TTC13: variants seen among roughly 807,000 people sequenced by gnomAD.
TTC13 encodes tetratricopeptide repeat protein 13.
TTC13 carries 62 observed loss-of-function variants against 120.0 expected under a neutral mutation model. The observed-to-expected ratio is 0.52, with a 90% confidence interval of 0.42 to 0.64. The LOEUF (loss-of-function observed/expected upper bound fraction) is 0.64, where lower values mean the gene tolerates loss of function less well. Among genes scored for constraint, TTC13 ranks in the 30% least tolerant of loss-of-function variants. The probability of loss-of-function intolerance (pLI) is 0.00; values close to 1 mark genes in which losing one functional copy is unlikely to be tolerated. For missense variants in TTC13, 824 were observed against 1,050.2 expected, an observed-to-expected ratio of 0.78 and a Z score of 2.98; for synonymous variants, 384 against 393.5, an observed-to-expected ratio of 0.98 and a Z score of 0.28.
chr1:230,908,853 T>G (rs927876587), intron 21 of TTC13, 62 bp from the exon 22 acceptor site: 2 of 1,604,150 alleles, frequency 1.2e-6, no homozygotes, highest in Admixed American at 1.7e-5. Context: ...CGGCTGGAGA[T>G]CTATGTAACT....
intron 22 of TTC13, 69 bp from the exon 23 acceptor site, chr1:230,907,088 T>C (rs1419658169): frequency 1.8e-6 from 1 of 546,324 alleles, no homozygotes; most frequent in African/African-American, 2.0e-5. Flanking sequence ...GCAGAGCTTA[T>C]ATTTATTCCT....
At chr1:230,939,069 C>G (rs1206872579) in intron 8 of TTC13, among the ~76,000 whole-genome samples, 1 of 150,912 alleles carries the variant, frequency 6.6e-6, no homozygotes, top group Non-Finnish European at 1.5e-5. Context: ...CTTTCTCTAA[C>G]TCTGCAGTTC....
intron 1 of TTC13, among the ~76,000 whole-genome samples, chr1:230,966,463 A>C (rs1677145001): frequency 6.6e-6 from 1 of 152,150 alleles, no homozygotes; most frequent in Non-Finnish European, 1.5e-5. Context: ...AAACTTCATA[A>C]ATTTTATATA....
At chr1:230,950,572 C>T (rs1042887273) in intron 4 of TTC13, among the ~76,000 whole-genome samples, 5 of 152,210 alleles carry the variant, frequency 3.3e-5, no homozygotes, top group South Asian at 2.1e-4. Context: ...ACAAACAAGT[C>T]GAAACAGTCA....
intron 20 of TTC13, 29 bp downstream of exon 20, chr1:230,911,441 A>G (rs758216322): frequency 1.3e-6 from 2 of 1,489,804 alleles, no homozygotes; most frequent in East Asian, 4.6e-5. Context: ...CTCAATTTAA[A>G]ATAATTTTAA....
rs764583992 is a variant in TTC13, at chr1:230,920,615, G to A, written c.1899-21C>T. 5 of 1,393,262 alleles carry A rather than the reference G, an allele frequency of 3.6e-6. No homozygotes were observed. In the South Asian group the frequency reaches 5.4e-5, roughly 15 times the overall value. 86.3% of individuals were successfully genotyped at this position (1,393,262 alleles called of 1,614,324 possible). Reference sequence around the variant, plus strand: ...TAGCTCTTAAAGAGAGACAGAGAGAGATGGCAACTGAGATTAATGCAGAAT... The same window carrying A: ...TAGCTCTTAAAGAGAGACAGAGAGAAATGGCAACTGAGATTAATGCAGAAT... On this transcript the variant is annotated intron_variant, in intron 16 of 22. Coordinates refer to ENST00000366661, the MANE Select transcript of TTC13 (RefSeq NM_024525.5).
intron 4 of TTC13, among the ~76,000 whole-genome samples, chr1:230,949,825 AT>A (rs1269434247): frequency 6.6e-6 from 1 of 151,790 alleles, no homozygotes; most frequent in Non-Finnish European, 1.5e-5. Context: ...TTGTTTTTGT[AT>A]TTTTAGTAGA....
chr1:230,958,326 A>G (rs748681178), intron 2 of TTC13, 27 bp from the exon 3 acceptor site: 2 of 1,563,618 alleles, frequency 1.3e-6, no homozygotes, highest in East Asian at 2.2e-5. Context: ...AAAAACCCAT[A>G]CATTTTAGCT....
At chr1:230,933,529 G>T (rs1673757803) in intron 9 of TTC13, among the ~76,000 whole-genome samples, 1 of 152,146 alleles carries the variant, frequency 6.6e-6, no homozygotes, top group South Asian at 2.1e-4. Flanking sequence ...ACCCTTGAAG[G>T]ATGAACGTTT....
chr1:230,962,210 C>CAAA (rs35386237), intron 1 of TTC13, among the ~76,000 whole-genome samples: 12 of 138,236 alleles, frequency 8.7e-5, no homozygotes, highest in African/African-American at 2.6e-4. Context: ...AACTCTGACT[C>CAAA]AAAAAAAAAA....
At chr1:230,956,267 A>C (rs1450658631) in intron 3 of TTC13, among the ~76,000 whole-genome samples, 1 of 152,246 alleles carries the variant, frequency 6.6e-6, no homozygotes, top group Non-Finnish European at 1.5e-5. Context: ...TTCCCAAACC[A>C]CTGTGCACTG....
intron 20 of TTC13, 177 bp downstream of exon 20, chr1:230,911,293 T>C: frequency 4.0e-6 from 2 of 499,366 alleles, no homozygotes. Context: ...TCTTCTATAA[T>C]TCTTTTGCTG....
At chr1:230,921,526 A>C in intron 15 of TTC13, 22 bp from the exon 16 acceptor site, 2 of 1,252,600 alleles carry the variant, frequency 1.6e-6, no homozygotes, top group Non-Finnish European at 2.2e-6. Context: ...AAATAATAAA[A>C]TTAAGAATAT....
chr1:230,978,690 C>G lies in TTC13; in HGVS notation c.141G>C (p.Glu47Asp). The change falls in exon 1 of 23, where the codon GAG becomes GAC. Residue 47 changes from glutamate to aspartate, a missense_variant. Physicochemically the swap from Glu to Asp is conservative, Grantham distance 45. Around this residue, in one of 4 missense-constraint regions of TTC13, gnomAD observed 160 missense variants for 137.2 expected, o/e 1.17. Transcript: ENST00000366661. This position sits in a 1 kb window ranked among gnomAD's most constrained non-coding sequence, Gnocchi z 5.6. The stretch of plus-strand genomic sequence containing the variant: ...TGAGCAGGGAGAGCGGCGAGTAGTG[C>G]TCGGTGGCCAGGGCGCCTGGCCGCA... ...AGLRPGALAT[E>D]HYSPLSLLKQ... The G allele has an allele frequency of 1.3e-6, 2 of 1,494,836 alleles. No homozygotes were observed. Among genetic ancestry groups the G allele is most frequent in the Non-Finnish European group, 1.8e-6 (2 of 1,130,540 alleles). 92.6% of individuals were successfully genotyped at this position (1,494,836 alleles called of 1,614,324 possible).
intron 6 of TTC13, among the ~76,000 whole-genome samples, chr1:230,943,114 T>A (rs1674660529): frequency 6.6e-6 from 1 of 152,258 alleles, no homozygotes; most frequent in African/African-American, 2.4e-5. Flanking sequence ...CTAACAGTCA[T>A]ATCAAGTCTT....
At chr1:230,908,065 T>C (rs1445751108) in intron 22 of TTC13, among the ~76,000 whole-genome samples, 1 of 152,206 alleles carries the variant, frequency 6.6e-6, no homozygotes. Context: ...AAATGGGCTC[T>C]GTCTACAAGT....
chr1:230,963,026 C>T (rs1195782148), intron 1 of TTC13, among the ~76,000 whole-genome samples: 2 of 152,152 alleles, frequency 1.3e-5, no homozygotes, highest in Non-Finnish European at 2.9e-5. Flanking sequence ...GTGAATGCCA[C>T]TGAACTGTTT....
chr1:230,908,220 C>T (rs928442690), intron 22 of TTC13, among the ~76,000 whole-genome samples: 8 of 152,188 alleles, frequency 5.3e-5, no homozygotes, highest in Admixed American at 5.2e-4. Flanking sequence ...CAGGGTCTCA[C>T]TCTGTCACCC....
At chr1:230,913,072 T>C (rs1671672175) in intron 18 of TTC13, among the ~76,000 whole-genome samples, 1 of 152,154 alleles carries the variant, frequency 6.6e-6, no homozygotes, top group African/African-American at 2.4e-5. Flanking sequence ...AAAGAATGCA[T>C]TTAAATAACC....
Sources: allele counts gnomAD v4.1 joint callset (sites outside exome capture counted in the v4.1 genomes callset), GRCh38; gene constraint gnomAD v4.1.1; regional missense constraint gnomAD v4.1.1; non-coding constraint Gnocchi (gnomAD v3.1); transcripts MANE v1.5; gene names NCBI Gene and HGNC (gene_info 2026-07-23, HGNC 2026-07-21).